Variants in HSP90AA1 observed in about 807,000 individuals in gnomAD.
HSP90AA1 encodes the protein heat shock protein HSP 90-alpha.
Under a neutral mutation model 73.3 loss-of-function variants are expected in HSP90AA1, and 18 were observed. The observed-to-expected ratio is 0.25, with a 90% CI of 0.17 to 0.36. The LOEUF (loss-of-function observed/expected upper bound fraction) is 0.36. Among genes scored for constraint, HSP90AA1 ranks in the 10% least tolerant of loss-of-function variants. The pLI is 1.00. For synonymous variants in HSP90AA1, 477 were observed against 296.9 expected, an observed-to-expected ratio of 1.61 and a Z score of -6.24; for missense variants, 704 against 874.2, an observed-to-expected ratio of 0.81 and a Z score of 2.45.
upstream of HSP90AA1, among the ~76,000 whole-genome samples, chr14:102,091,591 A>C (rs12888220): frequency 6.6e-6 from 1 of 151,918 alleles, no homozygotes; most frequent in Non-Finnish European, 1.5e-5. Flanking sequence ...GCACCACTGC[A>C]CTCCAACCTG....
intron 2 of HSP90AA1, among the ~76,000 whole-genome samples, chr14:102,099,318 G>A (rs1271108279): frequency 6.6e-6 from 1 of 152,206 alleles, no homozygotes; most frequent in Admixed American, 6.5e-5. Flanking sequence ...CAGCACTTTG[G>A]GAGGCCGAGG....
chr14:102,130,073 C>T (rs1391755729), intron 1 of HSP90AA1, among the ~76,000 whole-genome samples: 5 of 151,812 alleles, frequency 3.3e-5, no homozygotes, highest in African/African-American at 1.2e-4. Context: ...TGGGTTCAAG[C>T]GATTCTCCTG....
intron 2 of HSP90AA1, among the ~76,000 whole-genome samples, chr14:102,092,370 T>C (rs764086181): frequency 4.6e-5 from 7 of 152,112 alleles, no homozygotes; most frequent in Admixed American, 6.6e-5. Context: ...CATGCTATTA[T>C]TGATTTCTAA....
At chr14:102,089,989 T>C (rs1024094212), upstream of HSP90AA1, among the ~76,000 whole-genome samples, 2 of 152,154 alleles carry the variant, frequency 1.3e-5, no homozygotes, top group African/African-American at 4.8e-5. Flanking sequence ...CCCTATCTAT[T>C]CCCTCCTCCC....
rs572279639 is a variant in HSP90AA1 at position 102,083,820 on chromosome 14, G to C, written c.1311C>G (p.Phe437Leu). The change falls in exon 7 of 11, where the codon TTC (phenylalanine) becomes TTG (leucine). Residue 437 changes from phenylalanine to leucine, a missense_variant. Physicochemically the swap from Phe to Leu is conservative, Grantham distance 22 (BLOSUM62 0). Transcript: ENST00000216281. Reference sequence around the variant, plus strand: ...TTATGTTTTTAGAGAACTGCTCATAGAATTTCTTGTAGTTCTCTTTATCTT... The same window carrying C: ...TTATGTTTTTAGAGAACTGCTCATACAATTTCTTGTAGTTCTCTTTATCTT... ...LAEDKENYKK[F>L]YEQFSKNIKL... 6.2e-7 allele frequency: 1 copy of C among 1,612,584 alleles called. No homozygotes were observed. The highest frequency in any genetic ancestry group is 2.2e-5 in the East Asian group (1 of 44,824).
chr14:102,083,369 TTTC>T, intron 8 of HSP90AA1, 67 bp from the exon 9 acceptor site: 8 of 1,566,882 alleles, frequency 5.1e-6, no homozygotes, highest in Non-Finnish European at 5.3e-6. Context: ...AGCTCTGACT[TTTC>T]TTGCTAGCCA....
upstream of HSP90AA1, among the ~76,000 whole-genome samples, chr14:102,088,914 T>C (rs2049312425): frequency 6.6e-6 from 1 of 151,730 alleles, no homozygotes; most frequent in Non-Finnish European, 1.5e-5. Flanking sequence ...TTTCTTTTTT[T>C]TTTTTTTTTA....
intron 1 of HSP90AA1, 33 bp from the exon 2 acceptor site, chr14:102,086,411 C>A: frequency 1.2e-6 from 2 of 1,613,630 alleles, no homozygotes; most frequent in South Asian, 1.1e-5. Context: ...TAAAACCTTG[C>A]AGGACGTCTA....
chr14:102,117,936 G>A (rs909519407), intron 1 of HSP90AA1, among the ~76,000 whole-genome samples: 1 of 152,186 alleles, frequency 6.6e-6, no homozygotes, highest in Non-Finnish European at 1.5e-5. Context: ...GCCAGCTGGG[G>A]AAGCTGCTTG....
chr14:102,136,690 C>G (rs1207942232), intron 1 of HSP90AA1, among the ~76,000 whole-genome samples: 1 of 150,006 alleles, frequency 6.7e-6, no homozygotes, highest in Non-Finnish European at 1.5e-5. Context: ...GAGTTCAAGA[C>G]CAGCCTGGCC....
At chr14:102,091,097 A>G (rs1038155724), upstream of HSP90AA1, among the ~76,000 whole-genome samples, 3 of 152,170 alleles carry the variant, frequency 2.0e-5, no homozygotes, top group African/African-American at 7.2e-5. Flanking sequence ...CTCAGGTGAT[A>G]GCCTACCCCA....
Position 102,085,002 on chromosome 14 carries a change from C to G in HSP90AA1, c.664-4G>C, listed in dbSNP as rs1449272173. The stretch of plus-strand genomic sequence containing the variant: ...CTTTATCACGTTCCTTCTCCACCTT[C>G]AAAAGAAAACACGAAATCACATCAC... On this transcript the variant is annotated splice_region_variant and splice_polypyrimidine_tract_variant and intron_variant, in intron 4 of 10. Coordinates refer to ENST00000216281, the MANE Select transcript of HSP90AA1 (RefSeq NM_005348.4). 1.9e-6 allele frequency: 3 copies of G among 1,613,616 alleles called. No individual in the cohort carries two copies. The African/African-American group carries it at 4.0e-5, about 22-fold the overall frequency.
At chr14:102,121,422 C>A (rs10141834) in intron 1 of HSP90AA1, among the ~76,000 whole-genome samples, 4,184 of 152,080 alleles carry the variant, frequency 0.028, 197 homozygotes, top group African/African-American at 0.094. Flanking sequence ...CGGGTAAATT[C>A]CTAGAACTTG....
rs2049185827 is a variant in HSP90AA1 at position 102,084,867 on chromosome 14, C to T, written c.795G>A (p.Glu265=). 1 of 1,565,804 alleles carries T rather than the reference C, an allele frequency of 6.4e-7. No homozygotes were observed. Among genetic ancestry groups the T allele is most frequent in the Non-Finnish European group, 8.8e-7 (1 of 1,136,610 alleles). Residue 265 remains glutamate (E), a synonymous_variant, in exon 5 of 11, where the codon GAG becomes GAA. Transcript: ENST00000216281. ...TGTCACCATCCTTCTTTTCTTCTTC[C>T]TCATCAGAACCAACATCTTCAATTT... ...KPEIEDVGSD[E]EEEKKDGDKK...
chr14:102,127,876 G>A (rs1412787806), intron 1 of HSP90AA1, among the ~76,000 whole-genome samples: 1 of 152,030 alleles, frequency 6.6e-6, no homozygotes. Context: ...TGACCTCTTG[G>A]GCTCTAGCTA....
upstream of HSP90AA1, among the ~76,000 whole-genome samples, chr14:102,087,354 G>T (rs1173004717): frequency 2.0e-5 from 3 of 151,048 alleles, no homozygotes; most frequent in African/African-American, 4.9e-5. Context: ...GCCTTCTGGG[G>T]CCGCCCGCGC....
Position 102,086,127 on chromosome 14 carries a change from GT to G in HSP90AA1, c.163-4del. The G allele has an allele frequency of 1.2e-6, 2 of 1,614,060 alleles. No individual in the cohort carries two copies. The highest frequency in any genetic ancestry group is 1.7e-6 in the Non-Finnish European group (2 of 1,180,006). On this transcript the variant is annotated splice_region_variant and splice_polypyrimidine_tract_variant and intron_variant, in intron 2 of 10. Transcript: ENST00000216281. Reference sequence around the variant, plus strand: ...TCATACCGGATTTTGTCCAATGCCTGTTAACAAAAAATATTAATTTAAGCAT... The same window carrying G: ...TCATACCGGATTTTGTCCAATGCCTGTAACAAAAAATATTAATTTAAGCAT...
upstream of HSP90AA1, among the ~76,000 whole-genome samples, chr14:102,089,035 C>T (rs972859990): frequency 2.0e-5 from 3 of 152,034 alleles, no homozygotes; most frequent in African/African-American, 4.8e-5. Flanking sequence ...ATTCTCCTGC[C>T]TTAGCCTCCC....
At chr14:102,089,671 C>T (rs1376127026), upstream of HSP90AA1, among the ~76,000 whole-genome samples, 1 of 152,114 alleles carries the variant, frequency 6.6e-6, no homozygotes, top group African/African-American at 2.4e-5. Flanking sequence ...CAGCTCCAGA[C>T]CTGGATGCTG....
Sources: gnomAD v4.1 joint callset for allele counts (sites outside exome capture counted in the v4.1 genomes callset) on GRCh38, gnomAD v4.1.1 for gene constraint, MANE v1.5 for transcripts, NCBI Gene and HGNC (gene_info 2026-07-23, HGNC 2026-07-21) for gene names.